CSTPP1: variants seen among roughly 807,000 people sequenced by gnomAD.
The protein encoded by CSTPP1 is UPF0705 protein C11orf49.
At chr11:47,157,765 TG>T in the CSTPP1 span, 1 of 1,557,204 alleles carries the variant, frequency 6.4e-7, no homozygotes, top group Non-Finnish European at 8.9e-7. Flanking sequence ...GATGCAGAGG[TG>T]GCCCTGAGGC....
At chr11:47,038,998 G>C in the CSTPP1 span, among the ~76,000 whole-genome samples, 1 of 123,704 alleles carries the variant, frequency 8.1e-6, no homozygotes, top group African/African-American at 2.5e-5. Flanking sequence ...GCCGGGAAGA[G>C]GCGCTCCTCA....
chr11:46,938,288 A>G, the CSTPP1 span, among the ~76,000 whole-genome samples: 1 of 150,388 alleles, frequency 6.6e-6, no homozygotes, highest in Non-Finnish European at 1.5e-5. Context: ...AGTGTGGTAC[A>G]TTTGTTACAA....
the CSTPP1 span, among the ~76,000 whole-genome samples, chr11:47,029,632 C>A: frequency 7.4e-5 from 11 of 149,364 alleles, no homozygotes; most frequent in Admixed American, 5.3e-4. Flanking sequence ...AAAAAAAAAT[C>A]ATAATTTCAT....
the CSTPP1 span, among the ~76,000 whole-genome samples, chr11:46,990,012 A>G: frequency 3.9e-5 from 6 of 152,288 alleles, no homozygotes; most frequent in African/African-American, 1.2e-4. Flanking sequence ...ACTCCATGGT[A>G]TATATGTACC....
chr11:47,133,190 T>C, the CSTPP1 span, among the ~76,000 whole-genome samples: 4 of 152,140 alleles, frequency 2.6e-5, no homozygotes, highest in Admixed American at 1.3e-4. Flanking sequence ...CTGGAGAAGA[T>C]AGGATCAAGG....
the CSTPP1 span, among the ~76,000 whole-genome samples, chr11:47,076,185 A>T: frequency 6.6e-6 from 1 of 152,130 alleles, no homozygotes; most frequent in African/African-American, 2.4e-5. Flanking sequence ...GTGAAAAAAG[A>T]TTGTCAATGT....
At chr11:46,990,033 T>C in the CSTPP1 span, among the ~76,000 whole-genome samples, 104 of 152,352 alleles carry the variant, frequency 6.8e-4, 1 homozygote, top group African/African-American at 2.4e-3. Context: ...ATATTTTCTT[T>C]ATCCAGTTCA....
the CSTPP1 span, among the ~76,000 whole-genome samples, chr11:47,123,564 T>TA: frequency 5.9e-5 from 9 of 152,226 alleles, no homozygotes; most frequent in Admixed American, 4.6e-4. Flanking sequence ...CAACAATGAA[T>TA]AAAAAATCAA....
chr11:47,113,028 C>A, the CSTPP1 span, among the ~76,000 whole-genome samples: 1 of 152,126 alleles, frequency 6.6e-6, no homozygotes, highest in African/African-American at 2.4e-5. Flanking sequence ...GTGTGATGTT[C>A]CCCGCCCTGT....
chr11:47,075,172 G>C, the CSTPP1 span, among the ~76,000 whole-genome samples: 2 of 152,152 alleles, frequency 1.3e-5, no homozygotes, highest in Non-Finnish European at 2.9e-5. Flanking sequence ...AGGAGTTCGA[G>C]ACCAGCTTGG....
the CSTPP1 span, among the ~76,000 whole-genome samples, chr11:47,059,325 A>G: frequency 6.6e-6 from 1 of 152,130 alleles, no homozygotes; most frequent in African/African-American, 2.4e-5. Flanking sequence ...AGAAGAAATA[A>G]AATAAACTAG....
chr11:47,144,642 A>G, the CSTPP1 span, among the ~76,000 whole-genome samples: 1 of 152,224 alleles, frequency 6.6e-6, no homozygotes, highest in African/African-American at 2.4e-5. Flanking sequence ...AAAAATCTCC[A>G]GTAAAGACAA....
chr11:47,062,561 T>C, the CSTPP1 span, among the ~76,000 whole-genome samples: 1 of 152,354 alleles, frequency 6.6e-6, no homozygotes, highest in African/African-American at 2.4e-5. Context: ...AGCTATACTA[T>C]ACTAAATAAC....
At chr11:47,159,731 TGTG>T in the CSTPP1 span, 1 of 455,732 alleles carries the variant, frequency 2.2e-6, no homozygotes, top group South Asian at 1.6e-5. Flanking sequence ...ACTGGCTGGG[TGTG>T]GTGGCTCACG....
At chr11:47,125,467 A>G in the CSTPP1 span, among the ~76,000 whole-genome samples, 5 of 152,178 alleles carry the variant, frequency 3.3e-5, no homozygotes, top group Non-Finnish European at 7.3e-5. Flanking sequence ...TCAGTGAGTA[A>G]CCCCGTTAGC....
the CSTPP1 span, among the ~76,000 whole-genome samples, chr11:47,039,954 A>T: frequency 7.7e-6 from 1 of 129,230 alleles, no homozygotes; most frequent in Non-Finnish European, 1.8e-5. Flanking sequence ...ACAATTATTA[A>T]TAGATACTAA....
At chr11:46,978,618 C>T in the CSTPP1 span, among the ~76,000 whole-genome samples, 11 of 152,136 alleles carry the variant, frequency 7.2e-5, no homozygotes, top group Admixed American at 3.9e-4. Flanking sequence ...TGGCCTAGGC[C>T]TTTTTGTATC....
chr11:47,130,477 A>C, the CSTPP1 span, among the ~76,000 whole-genome samples: 1 of 152,214 alleles, frequency 6.6e-6, no homozygotes, highest in African/African-American at 2.4e-5. Flanking sequence ...ATAATATAAA[A>C]CAACAGTGCT....
the CSTPP1 span, among the ~76,000 whole-genome samples, chr11:47,007,779 C>A: frequency 6.6e-6 from 1 of 152,020 alleles, no homozygotes; most frequent in African/African-American, 2.4e-5. Flanking sequence ...TTTATATTTG[C>A]TTTTGGCAGA....
Sources: allele counts gnomAD v4.1 joint callset (sites outside exome capture counted in the v4.1 genomes callset), GRCh38; gene constraint gnomAD v4.1.1; transcripts MANE v1.5; gene names NCBI Gene and HGNC (gene_info 2026-07-23, HGNC 2026-07-21).